Variants in TNFSF4 observed in about 807,000 individuals in gnomAD.
The protein encoded by TNFSF4 is tumor necrosis factor ligand superfamily member 4.
In TNFSF4, 4 loss-of-function variants were observed where a neutral mutation model predicts 7.3. The ratio of observed to expected loss-of-function variants is 0.55; its 90% confidence interval spans 0.27 to 1.25. The LOEUF (loss-of-function observed/expected upper bound fraction) is 1.25, where lower values mean the gene tolerates loss of function less well. Among genes scored for constraint, TNFSF4 ranks in the 50% most tolerant of loss-of-function variants. The probability of loss-of-function intolerance (pLI) is 0.12; values close to 1 mark genes in which losing one functional copy is unlikely to be tolerated. For missense variants in TNFSF4, 181 were observed against 208.8 expected (o/e 0.87, Z 0.82); for synonymous variants, 76 against 83.7 (o/e 0.91, Z 0.50).
chr1:173,177,518 T>C, the TNFSF4 span, among the ~76,000 whole-genome samples: 1 of 152,184 alleles, frequency 6.6e-6, no homozygotes, highest in Non-Finnish European at 1.5e-5. Flanking sequence ...AAAAAATCTG[T>C]ATACCAAACT....
the TNFSF4 span, among the ~76,000 whole-genome samples, chr1:173,396,873 A>G: frequency 2.0e-5 from 3 of 152,248 alleles, no homozygotes; most frequent in Non-Finnish European, 4.4e-5. Flanking sequence ...GAGGAGCCCT[A>G]GCATCCCTGA....
chr1:173,346,706 C>T, the TNFSF4 span, among the ~76,000 whole-genome samples: 1 of 152,178 alleles, frequency 6.6e-6, no homozygotes, highest in Non-Finnish European at 1.5e-5. Context: ...AACCCACCTT[C>T]CTGGTATGGC....
the TNFSF4 span, among the ~76,000 whole-genome samples, chr1:173,343,570 C>G: frequency 3.3e-5 from 5 of 152,186 alleles, no homozygotes; most frequent in African/African-American, 1.2e-4. Flanking sequence ...ACTGATTGTT[C>G]AAGATCTGGC....
chr1:173,224,344 A>G, the TNFSF4 span, among the ~76,000 whole-genome samples: 1 of 152,232 alleles, frequency 6.6e-6, no homozygotes, highest in Non-Finnish European at 1.5e-5. Context: ...CCTGTGTGGA[A>G]TACTGTATAT....
At chr1:173,434,320 C>T in the TNFSF4 span, among the ~76,000 whole-genome samples, 8 of 152,152 alleles carry the variant, frequency 5.3e-5, 1 homozygote, top group South Asian at 1.7e-3. Context: ...GCTTTTTTGT[C>T]CCTATTGAAC....
At chr1:173,238,466 G>A in the TNFSF4 span, among the ~76,000 whole-genome samples, 1 of 149,160 alleles carries the variant, frequency 6.7e-6, no homozygotes, top group Non-Finnish European at 1.5e-5. Context: ...AGAGTAAACA[G>A]GCAACCTACA....
the TNFSF4 span, among the ~76,000 whole-genome samples, chr1:173,302,287 A>C: frequency 2.0e-5 from 3 of 151,886 alleles, no homozygotes; most frequent in African/African-American, 7.2e-5. Context: ...TACAAAAGTG[A>C]CTCTCTGAAG....
the TNFSF4 span, among the ~76,000 whole-genome samples, chr1:173,269,259 C>T: frequency 9.2e-5 from 14 of 151,814 alleles, no homozygotes; most frequent in Non-Finnish European, 1.5e-4. Context: ...TTTTCAAGAC[C>T]CCTAGTGGAT....
chr1:173,278,659 A>G, the TNFSF4 span, among the ~76,000 whole-genome samples: 2 of 152,252 alleles, frequency 1.3e-5, no homozygotes, highest in African/African-American at 4.8e-5. Context: ...ATATAAACAT[A>G]GAATAAACTT....
At chr1:173,447,142 T>G in the TNFSF4 span, among the ~76,000 whole-genome samples, 2 of 152,288 alleles carry the variant, frequency 1.3e-5, no homozygotes, top group African/African-American at 4.8e-5. Context: ...CTGAAAGGAT[T>G]ATATATTGTA....
chr1:173,254,646 A>G, the TNFSF4 span, among the ~76,000 whole-genome samples: 7 of 152,234 alleles, frequency 4.6e-5, no homozygotes, highest in African/African-American at 1.7e-4. Context: ...TCTCATAAAC[A>G]AGGTCCAGGC....
At chr1:173,283,436 A>T in the TNFSF4 span, among the ~76,000 whole-genome samples, 1 of 152,270 alleles carries the variant, frequency 6.6e-6, no homozygotes, top group East Asian at 1.9e-4. Context: ...TAAATCAGAG[A>T]TTCCCACAGT....
At chr1:173,431,790 C>A in the TNFSF4 span, among the ~76,000 whole-genome samples, 1 of 152,156 alleles carries the variant, frequency 6.6e-6, no homozygotes, top group Admixed American at 6.5e-5. Flanking sequence ...TGTTGGATTT[C>A]GATCTTGGCC....
chr1:173,335,452 T>C, the TNFSF4 span, among the ~76,000 whole-genome samples: 1 of 152,144 alleles, frequency 6.6e-6, no homozygotes, highest in Non-Finnish European at 1.5e-5. Context: ...CTAAATGCAA[T>C]GGAGGTAACA....
the TNFSF4 span, among the ~76,000 whole-genome samples, chr1:173,418,964 G>A: frequency 6.6e-6 from 1 of 152,224 alleles, no homozygotes; most frequent in East Asian, 1.9e-4. Flanking sequence ...TTTGGAGGTA[G>A]GGCCTTTGAG....
At chr1:173,216,859 A>C in the TNFSF4 span, among the ~76,000 whole-genome samples, 1 of 152,184 alleles carries the variant, frequency 6.6e-6, no homozygotes. Context: ...ACTGTCTGCC[A>C]TGTTCCCTGG....
chr1:173,238,595 G>C, the TNFSF4 span, among the ~76,000 whole-genome samples: 1 of 151,876 alleles, frequency 6.6e-6, no homozygotes, highest in African/African-American at 2.4e-5. Flanking sequence ...GTGGGCAAAG[G>C]ACATGAACAG....
the TNFSF4 span, among the ~76,000 whole-genome samples, chr1:173,306,049 TG>T: frequency 1.3e-5 from 2 of 151,906 alleles, no homozygotes; most frequent in Non-Finnish European, 2.9e-5. Context: ...TACTCCAACA[TG>T]AACATATTTT....
the TNFSF4 span, among the ~76,000 whole-genome samples, chr1:173,215,612 A>G: frequency 6.6e-6 from 1 of 152,228 alleles, no homozygotes; most frequent in Non-Finnish European, 1.5e-5. Context: ...ATGGTGTTGC[A>G]AAACAAACAA....
Sources: allele counts gnomAD v4.1 joint callset (sites outside exome capture counted in the v4.1 genomes callset), GRCh38; gene constraint gnomAD v4.1.1; transcripts MANE v1.5; gene names NCBI Gene and HGNC (gene_info 2026-07-23, HGNC 2026-07-21).